The following EIF4G3 variants were observed in gnomAD, a reference collection of about 807,000 sequenced individuals.
EIF4G3 encodes eukaryotic translation initiation factor 4 gamma 3, also known as eIF-4-gamma 3.
In EIF4G3, 34 loss-of-function variants were observed where a neutral mutation model predicts 186.4. That is an observed-to-expected ratio of 0.18 (90% CI 0.14 to 0.24). EIF4G3 has a LOEUF of 0.24. Among genes scored for constraint, EIF4G3 ranks in the 10% least tolerant of loss-of-function variants. The probability of loss-of-function intolerance (pLI) is 1.00; values close to 1 mark genes in which losing one functional copy is unlikely to be tolerated. For missense variants in EIF4G3, 1,536 were observed against 1,948.5 expected (o/e 0.79, Z 3.99); for synonymous variants, 673 against 679.5 (o/e 0.99, Z 0.15).
intron 3 of EIF4G3, among the ~76,000 whole-genome samples, chr1:21,066,011 T>C (rs1366487980): frequency 6.6e-6 from 1 of 152,092 alleles, no homozygotes; most frequent in Non-Finnish European, 1.5e-5. Flanking sequence ...ACCCTGTCTC[T>C]AATAAAAATA....
chr1:20,905,021 G>T (rs1235521044), intron 14 of EIF4G3, 50 bp from the exon 15 acceptor site: 2 of 1,366,906 alleles, frequency 1.5e-6, no homozygotes, highest in Admixed American at 1.7e-5. Flanking sequence ...GTCATTCTGA[G>T]AAATATTAGG....
At chr1:20,945,546 A>C (rs1435990695) in intron 13 of EIF4G3, among the ~76,000 whole-genome samples, 1 of 151,952 alleles carries the variant, frequency 6.6e-6, no homozygotes. Flanking sequence ...GCTCACCGTG[A>C]CCTCCACCTC....
At chr1:20,993,784 A>C (rs879381560) in intron 7 of EIF4G3, among the ~76,000 whole-genome samples, 3 of 152,192 alleles carry the variant, frequency 2.0e-5, no homozygotes, top group Admixed American at 2.0e-4. Context: ...TTTAAGTCTT[A>C]AGTATGTAAA....
At chr1:20,909,772 C>A (rs2092883766) in intron 14 of EIF4G3, among the ~76,000 whole-genome samples, 1 of 147,482 alleles carries the variant, frequency 6.8e-6, no homozygotes, top group South Asian at 2.1e-4. Flanking sequence ...TATAGTCAAT[C>A]TGCTAATTTT....
chr1:20,839,531 A>T (rs1489211894), intron 30 of EIF4G3, among the ~76,000 whole-genome samples: 1 of 152,014 alleles, frequency 6.6e-6, no homozygotes, highest in Admixed American at 6.6e-5. Context: ...TTTTTTAGAG[A>T]CTGAGACAGG....
At chr1:21,176,144 C>A (rs903410450) in intron 2 of EIF4G3, 31 bp downstream of exon 2, 2 of 368,056 alleles carry the variant, frequency 5.4e-6, no homozygotes, top group Non-Finnish European at 9.6e-6. Context: ...CGACGAGAAC[C>A]GAAGGGCCGA....
At chr1:20,888,082 G>A (rs944214293) in intron 18 of EIF4G3, among the ~76,000 whole-genome samples, 2 of 152,228 alleles carry the variant, frequency 1.3e-5, no homozygotes, top group Middle Eastern at 3.4e-3. Context: ...CACATTAGGA[G>A]ACAAAGTCAG....
intron 30 of EIF4G3, among the ~76,000 whole-genome samples, chr1:20,832,688 G>A (rs2154548265): frequency 6.6e-6 from 1 of 150,598 alleles, no homozygotes. Flanking sequence ...CCTTGCCCGT[G>A]CCTATGTCCT....
At chr1:20,972,114 T>C (rs908931470) in intron 11 of EIF4G3, among the ~76,000 whole-genome samples, 10 of 152,196 alleles carry the variant, frequency 6.6e-5, no homozygotes, top group African/African-American at 1.2e-4. Flanking sequence ...ATTTGACTTT[T>C]ATATTACTAC....
chr1:21,020,253 G>A (rs547057874), intron 4 of EIF4G3, among the ~76,000 whole-genome samples: 111 of 152,212 alleles, frequency 7.3e-4, no homozygotes, highest in African/African-American at 2.5e-3. Context: ...TTTGGGAGGC[G>A]GAGGTGAGAA....
At chr1:20,896,277 A>C (rs9651021) in intron 16 of EIF4G3, among the ~76,000 whole-genome samples, 48,714 of 151,574 alleles carry the variant, frequency 0.32, 8,479 homozygotes, top group Non-Finnish European at 0.39. Flanking sequence ...TAGAAAAAAA[A>C]TTTTAAAAAA....
At chr1:20,865,623 G>T (rs1422365203) in intron 20 of EIF4G3, among the ~76,000 whole-genome samples, 3 of 151,342 alleles carry the variant, frequency 2.0e-5, no homozygotes, top group Non-Finnish European at 4.4e-5. Context: ...GTTGTAATAA[G>T]TATTTTGGTT....
chr1:20,818,709 T>C (rs937170856), intron 33 of EIF4G3, among the ~76,000 whole-genome samples: 1 of 152,158 alleles, frequency 6.6e-6, no homozygotes, highest in Non-Finnish European at 1.5e-5. Flanking sequence ...ATGAAGTACA[T>C]AGGTATGCCT....
chr1:21,062,596 T>C (rs1447465321), intron 3 of EIF4G3, among the ~76,000 whole-genome samples: 6 of 152,060 alleles, frequency 3.9e-5, no homozygotes, highest in Non-Finnish European at 8.8e-5. Flanking sequence ...GATATAGATA[T>C]ACCTATTTTT....
chr1:21,053,699 C>T lies in EIF4G3; in HGVS notation c.-195-2705G>A, dbSNP rs557644432. Among the ~76,000 whole-genome samples, 416 of 144,270 alleles carry T rather than the reference C, an allele frequency of 2.9e-3. 4 individuals are homozygous for T. Among genetic ancestry groups the T allele is most frequent in the South Asian group, 0.025 (112 of 4,510 alleles). 94.6% of individuals were successfully genotyped at this position (144,270 alleles called of 152,430 possible). A position where few individuals can be genotyped will look rare whatever the true frequency, so the allele number is the denominator to read the frequency against. On this transcript the variant is annotated intron_variant, in intron 3 of 36. Transcript: ENST00000602326. ...TGAGGAGCCCCTCTGCCCAGCCAGC[C>T]GCCCCGTCCGGGAAGGATGTTGGGG...
intron 2 of EIF4G3, among the ~76,000 whole-genome samples, chr1:21,124,048 T>C (rs2096977387): frequency 6.6e-6 from 1 of 152,140 alleles, no homozygotes; most frequent in Non-Finnish European, 1.5e-5. Flanking sequence ...CCCAGCACTT[T>C]GGGAGGCCGA....
rs1187197038 is a variant in EIF4G3, at chr1:20,903,347, A to G, written c.1752+1536T>C. Among the ~76,000 whole-genome samples, 3 of 152,210 alleles carry G rather than the reference A, an allele frequency of 2.0e-5. No homozygotes were observed. In the East Asian group the frequency reaches 5.8e-4, roughly 29 times the overall value. On this transcript the variant is annotated intron_variant, in intron 15 of 36. Coordinates refer to ENST00000602326, the MANE Select transcript of EIF4G3 (RefSeq NM_001391906.1). Reference sequence around the variant, plus strand: ...AACCTCAAGCTGAAGATTAGGATGAATATTTGAAGGCAATGGAGGAGTGGC... The same window carrying G: ...AACCTCAAGCTGAAGATTAGGATGAGTATTTGAAGGCAATGGAGGAGTGGC...
intron 14 of EIF4G3, chr1:20,941,227 C>G (rs2095700301): frequency 1.3e-6 from 2 of 1,530,700 alleles, no homozygotes; most frequent in Admixed American, 4.2e-5. Flanking sequence ...ACAACAACAA[C>G]AACAAAACCC....
chr1:21,050,371 C>T (rs1571694058), intron 4 of EIF4G3, among the ~76,000 whole-genome samples: 1 of 152,320 alleles, frequency 6.6e-6, no homozygotes, highest in East Asian at 1.9e-4. Context: ...CACAATTCTT[C>T]TAACAGTTCA....
Sources: gnomAD v4.1 joint callset for allele counts (sites outside exome capture counted in the v4.1 genomes callset) on GRCh38, gnomAD v4.1.1 for gene constraint, MANE v1.5 for transcripts, NCBI Gene and HGNC (gene_info 2026-07-23, HGNC 2026-07-21) for gene names.